The following PARP4 variants were observed in gnomAD, a reference collection of about 807,000 sequenced individuals.
The protein encoded by PARP4 is protein mono-ADP-ribosyltransferase PARP4.
A neutral mutation model predicts 187.7 loss-of-function variants in PARP4; 120 were observed. The ratio of observed to expected loss-of-function variants is 0.64; its 90% CI spans 0.55 to 0.74. PARP4 has a LOEUF of 0.74. PARP4 is among the 30% of genes least tolerant of loss of function. The pLI, the probability that PARP4 is intolerant of heterozygous loss-of-function variation, is 0.00. For synonymous variants in PARP4, 654 were observed against 740.9 expected, an observed-to-expected ratio of 0.88 and a Z score of 1.90; for missense variants, 1,836 against 2,070.5, an observed-to-expected ratio of 0.89 and a Z score of 2.20.
intron 17 of PARP4, among the ~76,000 whole-genome samples, chr13:24,463,859 C>T (rs562807609): frequency 6.6e-6 from 1 of 152,234 alleles, no homozygotes; most frequent in East Asian, 1.9e-4. Context: ...GTCAAACTAC[C>T]TCTGTTTGCA....
intron 17 of PARP4, among the ~76,000 whole-genome samples, chr13:24,463,364 C>T (rs9511280): frequency 0.51 from 77,278 of 151,708 alleles, 19,984 homozygotes; most frequent in South Asian, 0.65. Flanking sequence ...AGCACACTTG[C>T]GCTAGAAAAA....
intron 10 of PARP4, among the ~76,000 whole-genome samples, chr13:24,488,642 C>A (rs1868456797): frequency 6.6e-6 from 1 of 152,154 alleles, no homozygotes; most frequent in Non-Finnish European, 1.5e-5. Flanking sequence ...GCATGAGCCA[C>A]CATGCCCGGC....
intron 18 of PARP4, 152 bp downstream of exon 18, chr13:24,459,820 T>C (rs1872106570): frequency 1.7e-6 from 1 of 593,932 alleles, no homozygotes; most frequent in Non-Finnish European, 2.9e-6. Context: ...TTTATACACA[T>C]AATGTATCTA....
intron 24 of PARP4, chr13:24,452,194 G>C (rs1384169827): frequency 4.1e-6 from 2 of 486,542 alleles, no homozygotes; most frequent in African/African-American, 3.9e-5. Flanking sequence ...GAGAGGTTAA[G>C]GAACTTGCTC....
Position 24,470,501 on chromosome 13 carries a change from G to A in PARP4, c.1915-476C>T, listed in dbSNP as rs947994543. Among the ~76,000 whole-genome samples the A allele has an allele frequency of 4.6e-4, 70 of 152,108 alleles. 1 individual carries two copies. The highest frequency in any genetic ancestry group is 7.6e-4 in the Non-Finnish European group (52 of 68,002). ...CATCTAGCTCCTCATCTCTGTGTGC[G>A]TTGGTTCTTCCAGAATCAAGTCTTC... On this transcript the variant is annotated intron_variant, in intron 15 of 33. Coordinates refer to ENST00000381989, the MANE Select transcript of PARP4 (RefSeq NM_006437.4).
chr13:24,501,886 A>C (rs1869313574), intron 2 of PARP4, 52 bp from the exon 3 acceptor site: 1 of 1,049,558 alleles, frequency 9.5e-7, no homozygotes, highest in Non-Finnish European at 1.5e-6. Context: ...CAACATTTAA[A>C]TAAGATATTT....
intron 2 of PARP4, among the ~76,000 whole-genome samples, 174 bp downstream of exon 2, chr13:24,503,471 C>T (rs1807271): frequency 0.2 from 30,387 of 152,172 alleles, 3,922 homozygotes; most frequent in East Asian, 0.38. Flanking sequence ...GCTGGGCCAC[C>T]TCTGCCTCTA....
In PARP4 at chr13:24,478,244, G is replaced by A; in HGVS notation, c.1481C>T (p.Thr494Ile). 1.2e-6 allele frequency: 2 copies of A among 1,612,016 alleles called. No homozygotes were observed. Among genetic ancestry groups the A allele is most frequent in the Non-Finnish European group, 1.7e-6 (2 of 1,178,778 alleles). The stretch of plus-strand genomic sequence containing the variant: ...AATGAGCAGGAGTCTGGTGCCATCT[G>A]TCTCTCCCGGGTGTGAGTACTTGAT... ...TSIKYSHPGE[T>I]DGTRLLLICD... The change falls in exon 13 of 34, where the codon ACA becomes ATA. Residue 494 changes from threonine to isoleucine, a missense_variant. By Grantham distance (89) the Thr-to-Ile change is moderately conservative. Around this residue, in one of 8 missense-constraint regions of PARP4, gnomAD observed 1,147 missense variants for 1,214.2 expected, o/e 0.94. Transcript: ENST00000381989.
In PARP4 at chr13:24,506,680, C is replaced by A. The variant is rs147409419; in HGVS notation, c.-1-2903G>T. On this transcript the variant is annotated intron_variant, in intron 1 of 33. Coordinates refer to ENST00000381989, the MANE Select transcript of PARP4 (RefSeq NM_006437.4). The stretch of plus-strand genomic sequence containing the variant: ...CCTTGAGCTAGACACAGAGTGCTGA[C>A]TGGTGTATTGACAATCCCTTAGCTA... 3.6e-3 allele frequency among the ~76,000 whole-genome samples: 543 copies of A among 152,312 alleles called. 1 individual carries two copies. Among genetic ancestry groups the A allele is most frequent in the African/African-American group, 0.012 (503 of 41,558 alleles).
At chr13:24,461,388 A>G (rs1872208556) in intron 17 of PARP4, among the ~76,000 whole-genome samples, 2 of 152,196 alleles carry the variant, frequency 1.3e-5, no homozygotes, top group African/African-American at 4.8e-5. Flanking sequence ...TGGGTAGGAT[A>G]TAGGTGGATG....
chr13:24,428,360 G>A (rs568429120), intron 32 of PARP4, among the ~76,000 whole-genome samples: 7 of 152,170 alleles, frequency 4.6e-5, no homozygotes, highest in Non-Finnish European at 1.0e-4. Flanking sequence ...CACCTGCTCT[G>A]CTCAGTCCAC....
At chr13:24,439,688 C>T (rs571042620) in intron 30 of PARP4, among the ~76,000 whole-genome samples, 15 of 152,254 alleles carry the variant, frequency 9.9e-5, no homozygotes, top group Admixed American at 7.2e-4. Context: ...CCTTTTGAAG[C>T]ACATATAAGA....
chr13:24,482,293 C>T (rs1873320286), intron 12 of PARP4, among the ~76,000 whole-genome samples: 1 of 152,174 alleles, frequency 6.6e-6, no homozygotes, highest in South Asian at 2.1e-4. Flanking sequence ...GTTGAACTGA[C>T]AACAAAGGAT....
intron 14 of PARP4, among the ~76,000 whole-genome samples, chr13:24,477,421 G>T (rs1268257878): frequency 2.0e-5 from 3 of 151,770 alleles, no homozygotes; most frequent in African/African-American, 7.3e-5. Flanking sequence ...ATCACACACT[G>T]TACTCCAGCC....
intron 1 of PARP4, among the ~76,000 whole-genome samples, chr13:24,505,174 G>A (rs73154389): frequency 0.098 from 14,979 of 152,130 alleles, 819 homozygotes; most frequent in Non-Finnish European, 0.12. Flanking sequence ...AAGAAAGAGA[G>A]AGGAGACAGA....
chr13:24,507,076 C>T (rs982412745), intron 1 of PARP4, among the ~76,000 whole-genome samples: 1 of 149,068 alleles, frequency 6.7e-6, no homozygotes, highest in Non-Finnish European at 1.5e-5. Flanking sequence ...TGTCCGGGGC[C>T]GGCGGGGCCA....
intron 30 of PARP4, among the ~76,000 whole-genome samples, chr13:24,439,150 T>C (rs373495610): frequency 1.3e-4 from 20 of 152,212 alleles, no homozygotes; most frequent in African/African-American, 4.8e-4. Context: ...GAACCAATTT[T>C]GAAAATAATT....
intron 27 of PARP4, among the ~76,000 whole-genome samples, chr13:24,444,653 TTTGTGATA>T (rs978239149): frequency 9.9e-5 from 15 of 152,220 alleles, no homozygotes; most frequent in African/African-American, 3.6e-4. Flanking sequence ...TTGGTAATAA[TTTGTGATA>T]TTGTGATATG....
At chr13:24,476,802 G>T (rs1000030962) in intron 14 of PARP4, among the ~76,000 whole-genome samples, 4 of 152,162 alleles carry the variant, frequency 2.6e-5, no homozygotes, top group East Asian at 1.9e-4. Context: ...ATATCCTCTT[G>T]TATGCTCGCA....
Sources: allele counts gnomAD v4.1 joint callset (sites outside exome capture counted in the v4.1 genomes callset), GRCh38; gene constraint gnomAD v4.1.1; regional missense constraint gnomAD v4.1.1; transcripts MANE v1.5; gene names NCBI Gene and HGNC (gene_info 2026-07-23, HGNC 2026-07-21).